The following TUBGCP3 variants were observed in gnomAD, a reference collection of about 807,000 sequenced individuals.
TUBGCP3 encodes the protein gamma-tubulin complex component 3.
A neutral mutation model predicts 123.1 loss-of-function variants in TUBGCP3; 50 were observed. The observed-to-expected ratio is 0.41, with a 90% CI of 0.32 to 0.51. TUBGCP3 has a LOEUF of 0.51. Ranked by LOEUF, TUBGCP3 falls within the 20% of genes least tolerant of loss-of-function variation. TUBGCP3 has a pLI of 0.36. For synonymous variants in TUBGCP3, 405 were observed against 413.9 expected (o/e 0.98, Z 0.26); for missense variants, 882 against 1,127.0 (o/e 0.78, Z 3.11).
intron 1 of TUBGCP3, 73 bp downstream of exon 1, chr13:112,587,832 G>T: frequency 7.3e-7 from 1 of 1,375,782 alleles, no homozygotes; most frequent in Non-Finnish European, 9.9e-7. Context: ...GCCCCGGAAC[G>T]TATTAGGGCT....
intron 21 of TUBGCP3, among the ~76,000 whole-genome samples, chr13:112,487,969 T>TA (rs1431610788): frequency 1.3e-5 from 2 of 151,604 alleles, no homozygotes; most frequent in African/African-American, 2.4e-5. Flanking sequence ...CTGTCTCTAC[T>TA]AAAAATACAA....
intron 6 of TUBGCP3, 98 bp from the exon 7 acceptor site, chr13:112,555,103 C>A (rs1566574648): frequency 1.4e-6 from 1 of 719,244 alleles, no homozygotes; most frequent in Non-Finnish European, 2.3e-6. Flanking sequence ...TATTTGCCAC[C>A]CCGATGAAAT....
intron 1 of TUBGCP3, among the ~76,000 whole-genome samples, chr13:112,575,014 C>T (rs1881699179): frequency 6.6e-6 from 1 of 152,200 alleles, no homozygotes; most frequent in South Asian, 2.1e-4. Context: ...CCTTCAGGGG[C>T]ACCCCCGCAG....
chr13:112,527,436 C>T lies in TUBGCP3; in HGVS notation c.1384G>A (p.Asp462Asn), dbSNP rs777348496. Reference sequence around the variant, plus strand: ...ATCGATTTCCTCAAAGTATACTTGTCGTGCCACAGTCGATCTGTTTTAACT... The same window carrying T: ...ATCGATTTCCTCAAAGTATACTTGTTGTGCCACAGTCGATCTGTTTTAACT... ...PTVKTDRLWH[D>N]KYTLRKSMIP... The change falls in exon 12 of 22, where the codon GAC becomes AAC. Residue 462 changes from aspartate to asparagine, a missense_variant. Physicochemically the swap from Asp to Asn is conservative, Grantham distance 23 (BLOSUM62 1). Around this residue, in one of 3 missense-constraint regions of TUBGCP3, gnomAD observed 713 missense variants for 874.0 expected, o/e 0.82. Coordinates refer to ENST00000261965, the MANE Select transcript of TUBGCP3 (RefSeq NM_006322.6). The T allele has an allele frequency of 1.9e-6, 3 of 1,609,420 alleles. No individual in the cohort carries two copies. The highest frequency in any genetic ancestry group is 2.5e-6 in the Non-Finnish European group (3 of 1,178,826).
intron 1 of TUBGCP3, among the ~76,000 whole-genome samples, chr13:112,571,772 C>T (rs767145972): frequency 2.0e-5 from 3 of 152,234 alleles, no homozygotes; most frequent in Non-Finnish European, 4.4e-5. Context: ...ATGATCTCAG[C>T]TAGTTCTGGA....
the TUBGCP3 span, among the ~76,000 whole-genome samples, chr13:112,599,762 GC>G: frequency 6.6e-6 from 1 of 151,964 alleles, no homozygotes; most frequent in South Asian, 2.1e-4. Flanking sequence ...CTCGTGATCC[GC>G]CTGCCTTGGC....
chr13:112,507,800 T>C (rs1034014354), intron 17 of TUBGCP3, among the ~76,000 whole-genome samples: 3 of 152,158 alleles, frequency 2.0e-5, no homozygotes, highest in African/African-American at 4.8e-5. Flanking sequence ...AACCAGGAAT[T>C]TTTTTCTCCG....
chr13:112,557,918 C>A (rs978008244), intron 5 of TUBGCP3, among the ~76,000 whole-genome samples: 3 of 152,242 alleles, frequency 2.0e-5, no homozygotes, highest in African/African-American at 4.8e-5. Context: ...GGGCTTTGCA[C>A]AGGGTACTTC....
rs1370610940 is a variant in TUBGCP3, at chr13:112,504,703, C to A, written c.2098G>T (p.Val700Leu). ...GCCAAAATGTGACACTGGTGCAGCA[C>A]CCCGGAGAACTCTGCAAGGGAAGAG... ...LLRNMPEFSG[V>L]LHQCHILASE... Residue 700 changes from valine to leucine, a missense_variant, in exon 18 of 22, where the codon GTG (valine) becomes TTG (leucine). Val to Leu is a conservative substitution (Grantham distance 32). Coordinates refer to ENST00000261965, the MANE Select transcript of TUBGCP3 (RefSeq NM_006322.6). 1 of 1,613,388 alleles carries A rather than the reference C, an allele frequency of 6.2e-7. No homozygotes were observed. The highest frequency in any genetic ancestry group is 2.2e-5 in the East Asian group (1 of 44,850).
At chr13:112,499,255 T>C (rs1470480781) in intron 19 of TUBGCP3, 70 bp from the exon 20 acceptor site, 2 of 1,508,890 alleles carry the variant, frequency 1.3e-6, no homozygotes, top group African/African-American at 2.8e-5. Context: ...AACATTGATA[T>C]TTAGTGAAAA....
At chr13:112,515,181 C>T (rs140165051) in intron 17 of TUBGCP3, among the ~76,000 whole-genome samples, 3 of 152,276 alleles carry the variant, frequency 2.0e-5, no homozygotes, top group East Asian at 3.9e-4. Flanking sequence ...TTGATACAGA[C>T]GTTGCTAAAC....
intron 11 of TUBGCP3, among the ~76,000 whole-genome samples, chr13:112,540,024 G>A (rs111550504): frequency 1.5e-5 from 2 of 134,556 alleles, no homozygotes; most frequent in East Asian, 2.2e-4. Context: ...GGACGTCAAT[G>A]TAGTAGCCTA....
chr13:112,583,373 TC>T (rs1882402664), intron 1 of TUBGCP3, among the ~76,000 whole-genome samples: 1 of 152,130 alleles, frequency 6.6e-6, no homozygotes. Flanking sequence ...AATTAAGCCT[TC>T]AACAGATTCG....
chr13:112,538,078 T>C (rs1290923131), intron 11 of TUBGCP3, among the ~76,000 whole-genome samples: 1 of 152,246 alleles, frequency 6.6e-6, no homozygotes, highest in African/African-American at 2.4e-5. Context: ...ATCCCTTCTG[T>C]GTGATGGGTT....
intron 2 of TUBGCP3, 52 bp downstream of exon 2, chr13:112,569,100 A>G: frequency 6.4e-7 from 1 of 1,565,440 alleles, no homozygotes; most frequent in East Asian, 2.2e-5. Context: ...CATCTGCTTA[A>G]GCTCTGACGA....
intron 10 of TUBGCP3, 56 bp downstream of exon 10, chr13:112,547,558 AAAGTCG>A (rs1566567434): frequency 6.7e-6 from 9 of 1,340,772 alleles, no homozygotes; most frequent in African/African-American, 3.1e-5. Flanking sequence ...CGCGCGTGGG[AAAGTCG>A]CGCGTGGGAA....
At chr13:112,506,666 T>C (rs1385576072) in intron 17 of TUBGCP3, among the ~76,000 whole-genome samples, 1 of 152,256 alleles carries the variant, frequency 6.6e-6, no homozygotes, top group Non-Finnish European at 1.5e-5. Context: ...AAGAATGGGT[T>C]CAGCTTTGAG....
chr13:112,549,025 C>T (rs534640239), intron 8 of TUBGCP3, among the ~76,000 whole-genome samples: 193 of 152,262 alleles, frequency 1.3e-3, no homozygotes, highest in Non-Finnish European at 2.3e-3. Flanking sequence ...GCTATAAAGA[C>T]ACATGCACAC....
chr13:112,576,398 A>C (rs1056003535), intron 1 of TUBGCP3, among the ~76,000 whole-genome samples: 1 of 152,234 alleles, frequency 6.6e-6, no homozygotes, highest in Non-Finnish European at 1.5e-5. Context: ...TGGGTGAATG[A>C]GTTCTGGAGA....
Sources: gnomAD v4.1 joint callset for allele counts (sites outside exome capture counted in the v4.1 genomes callset) on GRCh38, gnomAD v4.1.1 for gene constraint, gnomAD v4.1.1 regional missense constraint, MANE v1.5 for transcripts, NCBI Gene and HGNC (gene_info 2026-07-23, HGNC 2026-07-21) for gene names.